GNPAT: variants seen among roughly 807,000 people sequenced by gnomAD.
The protein encoded by GNPAT is glyceronephosphate O-acyltransferase, also known as dihydroxyacetone phosphate acyltransferase.
Under a neutral mutation model 78.4 loss-of-function variants are expected in GNPAT, and 30 were observed. The ratio of observed to expected loss-of-function variants is 0.38; its 90% confidence interval spans 0.29 to 0.52. The LOEUF is 0.52. Among genes scored for constraint, GNPAT ranks in the 20% least tolerant of loss-of-function variants. GNPAT has a pLI of 0.84. For synonymous variants in GNPAT, 271 were observed against 281.1 expected (o/e 0.96, Z 0.36); for missense variants, 714 against 812.2 (o/e 0.88, Z 1.47).
chr1:231,241,481 C>T (rs779586769), intron 1 of GNPAT, 25 bp downstream of exon 1: 11 of 1,538,594 alleles, frequency 7.1e-6, no homozygotes, highest in Non-Finnish European at 4.5e-6. Flanking sequence ...AAAAGAGGCC[C>T]AGAGCGGAGC....
At chr1:231,250,001 C>T (rs775925867) in intron 1 of GNPAT, among the ~76,000 whole-genome samples, 1 of 151,974 alleles carries the variant, frequency 6.6e-6, no homozygotes, top group Non-Finnish European at 1.5e-5. Context: ...AATCCCAGCA[C>T]TTTGGGAGAC....
chr1:231,274,582 T>C (rs1685659494), intron 12 of GNPAT, among the ~76,000 whole-genome samples: 1 of 152,174 alleles, frequency 6.6e-6, no homozygotes, highest in Non-Finnish European at 1.5e-5. Context: ...GCAGGAATTG[T>C]GGCAGGACTC....
rs200639005 is a variant in GNPAT at position 231,241,333 on chromosome 1, G to T, written c.-46G>T. 1 of 1,526,562 alleles carries T rather than the reference G, an allele frequency of 6.6e-7. No individual in the cohort carries two copies. 94.6% of individuals were successfully genotyped at this position (1,526,562 alleles called of 1,614,324 possible). On this transcript the variant is annotated 5_prime_UTR_variant, in exon 1 of 16. Transcript: ENST00000366647. Reference sequence around the variant, plus strand: ...CCGCCCCCAGCAGGAGCACCACCACGGCTTAGCAAAGAATCCCAGACCCCG... The same window carrying T: ...CCGCCCCCAGCAGGAGCACCACCACTGCTTAGCAAAGAATCCCAGACCCCG...
intron 2 of GNPAT, among the ~76,000 whole-genome samples, chr1:231,255,637 G>A (rs962815022): frequency 2.0e-5 from 3 of 151,996 alleles, no homozygotes; most frequent in African/African-American, 7.3e-5. Context: ...ATCCCGCTAT[G>A]TTGCCCAGGC....
intron 2 of GNPAT, among the ~76,000 whole-genome samples, chr1:231,252,883 C>G (rs923413713): frequency 2.6e-5 from 4 of 151,806 alleles, no homozygotes; most frequent in Non-Finnish European, 4.4e-5. Context: ...GTGGCTCACT[C>G]TCGTCTTCCC....
intron 11 of GNPAT, among the ~76,000 whole-genome samples, chr1:231,272,988 C>A (rs907228604): frequency 6.6e-6 from 1 of 151,946 alleles, no homozygotes; most frequent in Non-Finnish European, 1.5e-5. Context: ...AAAAAAGAAA[C>A]CAAACACAAC....
chr1:231,241,754 AG>A (rs1171606778), intron 1 of GNPAT, among the ~76,000 whole-genome samples: 1 of 152,178 alleles, frequency 6.6e-6, no homozygotes, highest in Non-Finnish European at 1.5e-5. Context: ...CACGAGAATG[AG>A]GAATGAGAAT....
chr1:231,275,645 G>A (rs1044069771), intron 14 of GNPAT, 147 bp downstream of exon 14: 1 of 677,934 alleles, frequency 1.5e-6, no homozygotes, highest in South Asian at 1.6e-5. Flanking sequence ...AGTTAAGTCA[G>A]TGTGAGTTAT....
Position 231,275,504 on chromosome 1 carries a change from T to G in GNPAT, c.1937+6T>G. On this transcript the variant is annotated splice_donor_region_variant and intron_variant, in intron 14 of 15. Coordinates refer to ENST00000366647, the MANE Select transcript of GNPAT (RefSeq NM_014236.4). ...GTAGTGGAGAAGAAGAAGATGTAAG[T>G]ACTGTACAAGATCCCATGAGTGCTC... 6.5e-7 allele frequency: 1 copy of G among 1,531,902 alleles called. No homozygotes were observed. The highest frequency in any genetic ancestry group is 9.1e-7 in the Non-Finnish European group (1 of 1,104,704). 94.9% of individuals were successfully genotyped at this position (1,531,902 alleles called of 1,614,324 possible).
chr1:231,267,691 A>G lies in GNPAT; in HGVS notation c.1067A>G (p.Gln356Arg). Reference sequence around the variant, plus strand: ...GCTCTTCCTTTTAGATACATTCCTCAGAAACAGTCTGAGGACATGCATGCC... The same window carrying G: ...GCTCTTCCTTTTAGATACATTCCTCGGAAACAGTCTGAGGACATGCATGCC... Reference protein sequence around the residue: ...SYNLVPRYIPQKQSEDMHAFV... With the variant: ...SYNLVPRYIPRKQSEDMHAFV... The change falls in exon 9 of 16, where the codon CAG becomes CGG. Residue 356 changes from glutamine to arginine, a missense_variant. By Grantham distance (43) the Gln-to-Arg change is conservative (BLOSUM62 1). Coordinates refer to ENST00000366647, the MANE Select transcript of GNPAT (RefSeq NM_014236.4). 1 of 1,580,118 alleles carries G rather than the reference A, an allele frequency of 6.3e-7. No individual in the cohort carries two copies. The highest frequency in any genetic ancestry group is 8.7e-7 in the Non-Finnish European group (1 of 1,148,980).
At chr1:231,267,971 A>T in intron 9 of GNPAT, 68 bp downstream of exon 9, 4 of 991,016 alleles carry the variant, frequency 4.0e-6, no homozygotes, top group Non-Finnish European at 6.4e-6. Context: ...CTGGACCTGA[A>T]AAATCTATAG....
chr1:231,263,640 A>T (rs1685287412), intron 4 of GNPAT, among the ~76,000 whole-genome samples: 1 of 151,688 alleles, frequency 6.6e-6, no homozygotes, highest in South Asian at 2.1e-4. Context: ...TCTTGTGGTA[A>T]TTTTTTTTCA....
chr1:231,268,170 G>A (rs955434119), intron 9 of GNPAT, among the ~76,000 whole-genome samples: 15 of 152,170 alleles, frequency 9.9e-5, no homozygotes, highest in African/African-American at 3.4e-4. Context: ...AGGCGTGGTG[G>A]TAGGCGCCTG....
Position 231,241,346 on chromosome 1 carries a change from A to T in GNPAT, c.-33A>T. 1.3e-6 allele frequency: 2 copies of T among 1,574,792 alleles called. No individual in the cohort carries two copies. The highest frequency in any genetic ancestry group is 1.7e-6 in the Non-Finnish European group (2 of 1,144,086). ...GAGCACCACCACGGCTTAGCAAAGA[A>T]TCCCAGACCCCGCCCGGGAAGGCAG... On this transcript the variant is annotated 5_prime_UTR_variant, in exon 1 of 16. Transcript: ENST00000366647.
chr1:231,242,656 A>G (rs1482483538), intron 1 of GNPAT, among the ~76,000 whole-genome samples: 3 of 152,220 alleles, frequency 2.0e-5, no homozygotes, highest in African/African-American at 7.2e-5. Context: ...TGCTGTGCAG[A>G]TCCAGCTTTT....
rs775776447 is a variant in GNPAT, at chr1:231,275,229, C to A, written c.1752C>A (p.Cys584Ter). ...KPFVESYQII[C>*]KYLLSEEEDH... The stretch of plus-strand genomic sequence containing the variant: ...CTTCCTCTTAAAATCAGATAATTTG[C>A]AAGTACCTTTTGAGTGAAGAAGAGG... The change falls in exon 13 of 16, where the codon TGC becomes TGA. Residue 584 changes from cysteine (C) to a stop codon, truncating the protein, a stop_gained. Coordinates refer to ENST00000366647, the MANE Select transcript of GNPAT (RefSeq NM_014236.4). LOFTEE classifies it high-confidence loss of function. 6.9e-6 allele frequency: 11 copies of A among 1,594,708 alleles called. No homozygotes were observed. Among genetic ancestry groups the A allele is most frequent in the Non-Finnish European group, 9.5e-6 (11 of 1,162,366 alleles).
intron 2 of GNPAT, among the ~76,000 whole-genome samples, chr1:231,259,230 G>T (rs962237942): frequency 2.8e-4 from 42 of 151,626 alleles, no homozygotes; most frequent in African/African-American, 9.4e-4. Context: ...TAAGAGGAAA[G>T]AGTTTATCCC....
Position 231,267,647 on chromosome 1 carries a change from C to A in GNPAT, c.1056-33C>A, listed in dbSNP as rs547587509. The stretch of plus-strand genomic sequence containing the variant: ...ATCCCCATTTGTCTAAGTAACAGAA[C>A]TGTAATTTGTTGCTCTGTGCTCTTC... On this transcript the variant is annotated intron_variant, in intron 8 of 15. Coordinates refer to ENST00000366647, the MANE Select transcript of GNPAT (RefSeq NM_014236.4). 215 of 1,184,376 alleles carry A rather than the reference C, an allele frequency of 1.8e-4. 2 individuals carry two copies. The Admixed American group carries it at 3.5e-3, about 19-fold the overall frequency. The allele number at this position is 1,184,376 out of a possible 1,614,324, so 73.4% of individuals were successfully genotyped here.
chr1:231,265,364 G>A lies in GNPAT; in HGVS notation c.640G>A (p.Gly214Ser). Residue 214 changes from glycine to serine, a missense_variant, in exon 5 of 16, where the codon GGT becomes AGT. By Grantham distance (56) the Gly-to-Ser change is moderately conservative. Transcript: ENST00000366647. ...TGCCTTTTTCATGCGGCGTACCTTTGGTGGCAATAAACTCTACTGGGCTGT... is the reference window on the plus strand; with the variant it reads ...TGCCTTTTTCATGCGGCGTACCTTTAGTGGCAATAAACTCTACTGGGCTGT... The part of the protein sequence containing the change: ...SGAFFMRRTF[G>S]GNKLYWAVFS... 1 of 1,609,444 alleles carries A rather than the reference G, an allele frequency of 6.2e-7. No individual in the cohort carries two copies. The highest frequency in any genetic ancestry group is 8.5e-7 in the Non-Finnish European group (1 of 1,175,816).
Sources: gnomAD v4.1 joint callset for allele counts (sites outside exome capture counted in the v4.1 genomes callset) on GRCh38, gnomAD v4.1.1 for gene constraint, MANE v1.5 for transcripts, NCBI Gene and HGNC (gene_info 2026-07-23, HGNC 2026-07-21) for gene names.